CNTN5: variants seen among roughly 807,000 people sequenced by gnomAD.
CNTN5 encodes the protein contactin-5.
CNTN5 carries 77 observed loss-of-function variants against 129.1 expected under a neutral mutation model. The observed-to-expected ratio is 0.60, with a 90% CI of 0.50 to 0.72. CNTN5 has a LOEUF of 0.72. Among genes scored for constraint, CNTN5 ranks in the 30% least tolerant of loss-of-function variants. CNTN5 has a pLI of 0.00. For synonymous variants in CNTN5, 509 were observed against 465.6 expected, an observed-to-expected ratio of 1.09 and a Z score of -1.20; for missense variants, 1,478 against 1,328.8, an observed-to-expected ratio of 1.11 and a Z score of -1.75.
intron 20 of CNTN5, among the ~76,000 whole-genome samples, chr11:100,302,170 GT>G: frequency 6.6e-6 from 1 of 151,640 alleles, no homozygotes; most frequent in South Asian, 2.1e-4. Flanking sequence ...TTCTTTTTTA[GT>G]CACTTCGCAA....
intron 1 of CNTN5, among the ~76,000 whole-genome samples, chr11:99,060,190 T>C (rs916000103): frequency 3.3e-5 from 5 of 151,994 alleles, no homozygotes; most frequent in African/African-American, 7.2e-5. Flanking sequence ...TTAGGAAATA[T>C]GGAATTTTAT....
At chr11:99,469,230 G>A (rs570528763) in intron 2 of CNTN5, among the ~76,000 whole-genome samples, 45 of 152,066 alleles carry the variant, frequency 3.0e-4, no homozygotes, top group African/African-American at 1.1e-3. Flanking sequence ...GAATTTCTAT[G>A]GAGTCAATGA....
intron 13 of CNTN5, among the ~76,000 whole-genome samples, chr11:100,102,245 T>C (rs1266080313): frequency 6.6e-6 from 1 of 151,920 alleles, no homozygotes; most frequent in Non-Finnish European, 1.5e-5. Context: ...TTTTTTTTTT[T>C]AATTGTGGCT....
Position 100,350,696 on chromosome 11 carries a change from T to C in CNTN5, c.3031-6T>C. ...TCAAATGTCTAAACCTTGTTATTAC[T>C]CTCAGGTTTTTTATAGGCAAGAGGG... On this transcript the variant is annotated splice_polypyrimidine_tract_variant and splice_region_variant and intron_variant, in intron 23 of 24. Coordinates refer to ENST00000524871, the MANE Select transcript of CNTN5 (RefSeq NM_014361.4). The C allele has an allele frequency of 3.8e-6, 6 of 1,597,978 alleles. No homozygotes were observed. Among genetic ancestry groups the C allele is most frequent in the Non-Finnish European group, 5.1e-6 (6 of 1,171,100 alleles).
intron 1 of CNTN5, among the ~76,000 whole-genome samples, chr11:99,155,429 T>G (rs1860284999): frequency 6.6e-6 from 1 of 152,202 alleles, no homozygotes. Context: ...AACTACACGC[T>G]TTGCTGTTTG....
chr11:99,780,463 G>A lies in CNTN5; in HGVS notation c.56-39081G>A, dbSNP rs76573160. Among the ~76,000 whole-genome samples, 955 of 152,060 alleles carry A rather than the reference G, an allele frequency of 6.3e-3. 8 individuals are homozygous for A. The highest frequency in any genetic ancestry group is 0.022 in the African/African-American group (904 of 41,514). ...TTTAAATGAGAAATGAATGAATAAA[G>A]GTCGGGTTGAGAATAAATAAGTGAA... is the stretch of plus-strand genomic sequence containing the variant. On this transcript the variant is annotated intron_variant, in intron 3 of 24. Transcript: ENST00000524871.
intron 2 of CNTN5, among the ~76,000 whole-genome samples, chr11:99,444,171 C>T (rs898705182): frequency 6.6e-6 from 1 of 151,720 alleles, no homozygotes; most frequent in Non-Finnish European, 1.5e-5. Flanking sequence ...TGCACTCTCC[C>T]CTTGCTGACA....
At chr11:100,240,652 A>T in intron 16 of CNTN5, among the ~76,000 whole-genome samples, 1 of 152,304 alleles carries the variant, frequency 6.6e-6, no homozygotes, top group South Asian at 2.1e-4. Flanking sequence ...ATCATGAAAC[A>T]TGTCTTGTAG....
chr11:99,908,140 G>A (rs184984082), intron 6 of CNTN5, among the ~76,000 whole-genome samples: 116 of 152,106 alleles, frequency 7.6e-4, no homozygotes, highest in Admixed American at 1.6e-3. Flanking sequence ...CACTTGCAGT[G>A]TAAGAGCAGA....
At chr11:99,076,646 T>C (rs1474009711) in intron 1 of CNTN5, among the ~76,000 whole-genome samples, 1 of 152,176 alleles carries the variant, frequency 6.6e-6, no homozygotes, top group Non-Finnish European at 1.5e-5. Flanking sequence ...CCTATAGATA[T>C]ATTCACAAAT....
chr11:100,053,626 T>G (rs558020306), intron 9 of CNTN5, among the ~76,000 whole-genome samples: 1 of 151,848 alleles, frequency 6.6e-6, no homozygotes, highest in African/African-American at 2.4e-5. Flanking sequence ...TTGGTAGACA[T>G]GTTAAATTAT....
intron 2 of CNTN5, among the ~76,000 whole-genome samples, chr11:99,363,345 A>T (rs1939241077): frequency 1.3e-5 from 2 of 152,162 alleles, no homozygotes. Context: ...GTAGAATCTG[A>T]CATAAATTTC....
intron 1 of CNTN5, among the ~76,000 whole-genome samples, chr11:99,184,125 A>G (rs1489410691): frequency 1.3e-5 from 2 of 152,048 alleles, no homozygotes; most frequent in Non-Finnish European, 2.9e-5. Context: ...CTTCTAATTC[A>G]TTCTACTTCC....
At chr11:99,274,450 G>C (rs1384499667) in intron 1 of CNTN5, among the ~76,000 whole-genome samples, 4 of 151,534 alleles carry the variant, frequency 2.6e-5, no homozygotes. Context: ...TGTTTTTTAA[G>C]TACAACAAAC....
In CNTN5 at chr11:99,220,579, A is replaced by G. The variant is rs551894501; in HGVS notation, c.-209-104767A>G. 3.9e-5 allele frequency among the ~76,000 whole-genome samples: 6 copies of G among 152,076 alleles called. No homozygotes were observed. In the South Asian group the frequency reaches 8.3e-4, roughly 21 times the overall value. On this transcript the variant is annotated intron_variant, in intron 1 of 24. Transcript: ENST00000524871. ...ATCACGATTTTCCATGAAATAGAGG[A>G]AAGTCATTACAAAAGTTATATTTTT...
chr11:99,172,101 A>T (rs1428595518), intron 1 of CNTN5, among the ~76,000 whole-genome samples: 1 of 152,218 alleles, frequency 6.6e-6, no homozygotes, highest in African/African-American at 2.4e-5. Flanking sequence ...CAGAAGGCAG[A>T]TATAGTGAGA....
chr11:99,185,644 C>T lies in CNTN5; in HGVS notation c.-209-139702C>T, dbSNP rs556602946. 9.9e-5 allele frequency among the ~76,000 whole-genome samples: 15 copies of T among 151,576 alleles called. No individual in the cohort carries two copies. In the East Asian group the frequency reaches 2.7e-3, roughly 27 times the overall value. On this transcript the variant is annotated intron_variant, in intron 1 of 24. Coordinates refer to ENST00000524871, the MANE Select transcript of CNTN5 (RefSeq NM_014361.4). ...TACTATATTTTTAAGGAAATAAATGCACTAAATCTGAACTAAAAAGTTTCA... is the reference window on the plus strand; with the variant it reads ...TACTATATTTTTAAGGAAATAAATGTACTAAATCTGAACTAAAAAGTTTCA...
chr11:99,777,880 T>C (rs890579502), intron 3 of CNTN5, among the ~76,000 whole-genome samples: 2 of 151,916 alleles, frequency 1.3e-5, no homozygotes, highest in Admixed American at 6.6e-5. Context: ...GTTATACAGA[T>C]TATATATAAT....
intron 3 of CNTN5, among the ~76,000 whole-genome samples, chr11:99,693,032 G>A (rs539459191): frequency 7.2e-5 from 11 of 152,066 alleles, no homozygotes; most frequent in Non-Finnish European, 1.6e-4. Flanking sequence ...TCTAAAACAG[G>A]AAGTACATAT....
Sources: allele counts gnomAD v4.1 joint callset (sites outside exome capture counted in the v4.1 genomes callset), GRCh38; gene constraint gnomAD v4.1.1; transcripts MANE v1.5; gene names NCBI Gene and HGNC (gene_info 2026-07-23, HGNC 2026-07-21).